ASB15: variants seen among roughly 807,000 people sequenced by gnomAD.
The protein encoded by ASB15 is ankyrin repeat and SOCS box containing 15, also known as ankyrin repeat and SOCS box protein 15.
ASB15 carries 54 observed loss-of-function variants against 58.0 expected under a neutral mutation model. That is an observed-to-expected ratio of 0.93 (90% confidence interval 0.75 to 1.17). The LOEUF is 1.17. Ranked by LOEUF, ASB15 falls within the 50% of genes most tolerant of loss-of-function variation. The pLI is 0.00. For missense variants in ASB15, 680 were observed against 707.4 expected (o/e 0.96, Z 0.44); for synonymous variants, 249 against 262.4 (o/e 0.95, Z 0.50).
chr7:123,615,372 T>C (rs1800734888), intron 4 of ASB15: 1 of 152,178 alleles, frequency 6.6e-6, no homozygotes, highest in East Asian at 1.9e-4. Flanking sequence ...TTTGAAGAGA[T>C]CCAGTGTTTA....
intron 1 of ASB15, among the ~76,000 whole-genome samples, chr7:123,581,122 C>T: frequency 6.6e-6 from 1 of 151,846 alleles, no homozygotes. Flanking sequence ...TGTGTCCCAC[C>T]AACCTCCTTC....
At chr7:123,623,951 GA>G (rs368540089) in intron 7 of ASB15, among the ~76,000 whole-genome samples, 1 of 101,152 alleles carries the variant, frequency 9.9e-6, no homozygotes, top group Non-Finnish European at 2.3e-5. Context: ...AAGAAAGAAA[GA>G]AAGAAAGAAA....
chr7:123,593,868 G>A (rs937349758), intron 1 of ASB15, among the ~76,000 whole-genome samples: 1 of 152,200 alleles, frequency 6.6e-6, no homozygotes, highest in East Asian at 1.9e-4. Context: ...ATAGCCTGAA[G>A]AGTGTTTTCT....
intron 1 of ASB15, among the ~76,000 whole-genome samples, chr7:123,586,898 G>A (rs539072177): frequency 6.6e-6 from 1 of 151,552 alleles, no homozygotes; most frequent in South Asian, 2.1e-4. Flanking sequence ...GCTCTCTTTT[G>A]ATGTGTCTGT....
chr7:123,577,070 G>A (rs888983425), intron 1 of ASB15, among the ~76,000 whole-genome samples: 2 of 152,078 alleles, frequency 1.3e-5, no homozygotes, highest in Non-Finnish European at 2.9e-5. Context: ...AACATTTGTA[G>A]TTATAAAAAT....
chr7:123,629,029 C>T lies in ASB15; in HGVS notation c.1035C>T (p.Ser345=), dbSNP rs747381375. The T allele has an allele frequency of 8.1e-6, 13 of 1,613,590 alleles. No individual in the cohort carries two copies. The highest frequency in any genetic ancestry group is 5.3e-5 in the African/African-American group (4 of 74,904). The change falls in exon 10 of 12, where the codon AGC becomes AGT. Residue 345 remains serine (S), a synonymous_variant. Transcript: ENST00000451215. ...TACTTGCTGACCACATTTCCCAGAG[C>T]TATGACGATGAGAGGAAGACTGCGC... The part of the protein sequence containing the change: ...NTLLADHISQ[S]YDDERKTALY...
At chr7:123,580,216 G>A (rs188246680) in intron 1 of ASB15, among the ~76,000 whole-genome samples, 141 of 152,156 alleles carry the variant, frequency 9.3e-4, no homozygotes, top group African/African-American at 3.1e-3. Flanking sequence ...GAAAGGATGC[G>A]TTTTGCCTGT....
chr7:123,596,680 TAA>T (rs1188864571), intron 1 of ASB15, among the ~76,000 whole-genome samples: 11 of 152,158 alleles, frequency 7.2e-5, no homozygotes, highest in Admixed American at 2.0e-4. Flanking sequence ...TTTATTGTGC[TAA>T]GTTTTCTTCG....
At chr7:123,620,250 C>T (rs1442160288) in intron 7 of ASB15, 2 of 151,884 alleles carry the variant, frequency 1.3e-5, no homozygotes, top group South Asian at 2.1e-4. Context: ...GAGGCCAGGA[C>T]ATTTATTGTC....
At chr7:123,587,157 G>A (rs1161635451) in intron 1 of ASB15, among the ~76,000 whole-genome samples, 5 of 151,502 alleles carry the variant, frequency 3.3e-5, no homozygotes, top group African/African-American at 1.2e-4. Flanking sequence ...TCACTTTGTA[G>A]TGTGAACATT....
intron 3 of ASB15, among the ~76,000 whole-genome samples, chr7:123,609,393 A>T (rs1800319412): frequency 6.6e-6 from 1 of 152,166 alleles, no homozygotes; most frequent in Non-Finnish European, 1.5e-5. Flanking sequence ...GGGACACTGG[A>T]AGATGGAACA....
chr7:123,627,742 A>G (rs1801889274), intron 9 of ASB15, among the ~76,000 whole-genome samples: 1 of 152,240 alleles, frequency 6.6e-6, no homozygotes, highest in Non-Finnish European at 1.5e-5. Flanking sequence ...AAGTTTCATT[A>G]TAAGTTTATA....
intron 1 of ASB15, among the ~76,000 whole-genome samples, chr7:123,583,113 T>A (rs1179834741): frequency 6.6e-6 from 1 of 151,914 alleles, no homozygotes; most frequent in African/African-American, 2.4e-5. Flanking sequence ...ATTGTAGACC[T>A]AGGTGCAGTG....
upstream of ASB15, among the ~76,000 whole-genome samples, chr7:123,597,932 G>A (rs867036352): frequency 7.7e-4 from 117 of 151,326 alleles, no homozygotes; most frequent in African/African-American, 2.6e-3. Flanking sequence ...GTGTGTGTGT[G>A]TGTGTGTGTG....
intron 11 of ASB15, among the ~76,000 whole-genome samples, chr7:123,635,497 T>C (rs1294732990): frequency 6.6e-6 from 1 of 151,946 alleles, no homozygotes; most frequent in African/African-American, 2.4e-5. Context: ...CCCTTGTTTG[T>C]CTTACTTGAA....
Position 123,616,478 on chromosome 7 carries a change from T to A in ASB15, c.275T>A (p.Leu92His). ...EAVVQPIQQI[L>H]EIVLDASYKT... The stretch of plus-strand genomic sequence containing the variant: ...GTTGTTCAACCCATTCAACAAATAC[T>A]TGAGATTGTTCTGGATGGTAAGAGA... Residue 92 changes from leucine to histidine, a missense_variant, in exon 6 of 12, where the codon CTT (leucine) becomes CAT (histidine). Physicochemically the swap from Leu to His is moderately conservative, Grantham distance 99. Coordinates refer to ENST00000451215, the MANE Select transcript of ASB15 (RefSeq NM_001290258.2). The A allele has an allele frequency of 6.2e-7, 1 of 1,612,756 alleles. No homozygotes were observed. Among genetic ancestry groups the A allele is most frequent in the Non-Finnish European group, 8.5e-7 (1 of 1,179,214 alleles).
intron 7 of ASB15, among the ~76,000 whole-genome samples, chr7:123,622,110 C>T (rs945728472): frequency 6.6e-6 from 1 of 152,220 alleles, no homozygotes; most frequent in Non-Finnish European, 1.5e-5. Flanking sequence ...CCTTGCCTAT[C>T]ATCTATGCAA....
chr7:123,637,132 G>A lies in ASB15; in HGVS notation c.*151G>A. The A allele has an allele frequency of 2.0e-6, 1 of 510,626 alleles. No individual in the cohort carries two copies. The highest frequency in any genetic ancestry group is 3.4e-6 in the Non-Finnish European group (1 of 297,290). The allele number at this position is 510,626 out of a possible 1,614,324, so 31.6% of individuals were successfully genotyped here. Reference sequence around the variant, plus strand: ...TCATGTGTTCTTATGGGAACACCATGATTTATGTCTTTAAAGACATTTGCA... The same window carrying A: ...TCATGTGTTCTTATGGGAACACCATAATTTATGTCTTTAAAGACATTTGCA... On this transcript the variant is annotated 3_prime_UTR_variant, in exon 12 of 12. Transcript: ENST00000451215.
chr7:123,609,452 G>A (rs1800321762), intron 3 of ASB15, among the ~76,000 whole-genome samples: 1 of 152,180 alleles, frequency 6.6e-6, no homozygotes, highest in South Asian at 2.1e-4. Context: ...GAATGACACT[G>A]ATGTGACAGG....
Sources: allele counts gnomAD v4.1 joint callset (sites outside exome capture counted in the v4.1 genomes callset), GRCh38; gene constraint gnomAD v4.1.1; transcripts MANE v1.5; gene names NCBI Gene and HGNC (gene_info 2026-07-23, HGNC 2026-07-21).